The following GRIK2 variants were observed in gnomAD, a reference collection of about 807,000 sequenced individuals.
GRIK2 encodes the protein glutamate receptor ionotropic, kainate 2.
GRIK2 carries 32 observed loss-of-function variants against 100.3 expected under a neutral mutation model. That is an observed-to-expected ratio of 0.32 (90% confidence interval 0.24 to 0.43). The LOEUF is 0.43. GRIK2 is among the 20% of genes least tolerant of loss of function. The pLI is 1.00. For missense variants in GRIK2, 843 were observed against 1,114.9 expected (o/e 0.76, Z 3.47); for synonymous variants, 417 against 389.4 (o/e 1.07, Z -0.83).
At chr6:102,015,788 C>T (rs1795804621) in intron 14 of GRIK2, among the ~76,000 whole-genome samples, 1 of 152,198 alleles carries the variant, frequency 6.6e-6, no homozygotes, top group Admixed American at 6.5e-5. Context: ...TCACCGCCTC[C>T]AGCACAGCAG....
At chr6:101,853,581 C>T (rs1476573098) in intron 10 of GRIK2, among the ~76,000 whole-genome samples, 1 of 152,118 alleles carries the variant, frequency 6.6e-6, no homozygotes, top group Non-Finnish European at 1.5e-5. Context: ...CAGTCATCCA[C>T]CTTGATATTT....
At chr6:101,690,539 C>T (rs1441702131) in intron 7 of GRIK2, among the ~76,000 whole-genome samples, 1 of 152,160 alleles carries the variant, frequency 6.6e-6, no homozygotes, top group African/African-American at 2.4e-5. Context: ...CTACTCCTAA[C>T]ATCTCTCTCC....
chr6:101,464,621 A>C (rs1426897413), intron 2 of GRIK2, among the ~76,000 whole-genome samples: 1 of 135,020 alleles, frequency 7.4e-6, no homozygotes, highest in Admixed American at 8.5e-5. Flanking sequence ...GGTTCACGCC[A>C]TTCTCCCGCC....
chr6:101,568,388 A>G (rs1351687398), intron 2 of GRIK2, among the ~76,000 whole-genome samples: 1 of 152,044 alleles, frequency 6.6e-6, no homozygotes, highest in Non-Finnish European at 1.5e-5. Context: ...GTTGCAAATA[A>G]TCTGATGAGT....
chr6:101,424,903 T>A (rs1776622653), intron 2 of GRIK2, among the ~76,000 whole-genome samples: 1 of 152,188 alleles, frequency 6.6e-6, no homozygotes, highest in Non-Finnish European at 1.5e-5. Flanking sequence ...AACTCTTCAT[T>A]TTTTATGGCT....
chr6:101,619,858 C>T (rs1284082693), intron 2 of GRIK2, among the ~76,000 whole-genome samples: 1 of 152,074 alleles, frequency 6.6e-6, no homozygotes, highest in African/African-American at 2.4e-5. Context: ...GTTTTGAAGT[C>T]AGGCATGAGC....
At chr6:101,861,308 G>A (rs980959376) in intron 11 of GRIK2, among the ~76,000 whole-genome samples, 2 of 152,062 alleles carry the variant, frequency 1.3e-5, no homozygotes, top group Non-Finnish European at 2.9e-5. Flanking sequence ...TTTGTGTTGA[G>A]GGCTAAAACA....
At chr6:101,582,648 C>T (rs1778157073) in intron 2 of GRIK2, among the ~76,000 whole-genome samples, 4 of 151,912 alleles carry the variant, frequency 2.6e-5, no homozygotes, top group Admixed American at 2.0e-4. Context: ...ACAAAAAGTA[C>T]AACATAAGGA....
chr6:101,970,902 T>A (rs576249162), intron 14 of GRIK2, among the ~76,000 whole-genome samples: 5 of 150,790 alleles, frequency 3.3e-5, no homozygotes, highest in Admixed American at 2.6e-4. Flanking sequence ...CATATCCAAA[T>A]GATACAAATG....
At position 102,035,532 on chromosome 6, in the gene GRIK2, A is replaced by G. The variant is rs1770222640; in HGVS notation, c.2277A>G (p.Ile759Met). The change falls in exon 15 of 17, where the codon ATA (isoleucine) becomes ATG (methionine). Residue 759 changes from isoleucine (I) to methionine (M), a missense_variant. Around this residue, in one of 3 missense-constraint regions of GRIK2, gnomAD observed 237 missense variants for 388.0 expected, o/e 0.61. Transcript: ENST00000369134. ...NCNLTQIGGL[I>M]DSKGYGVGTP... ...ACCTGACACAGATTGGCGGCCTTAT[A>G]GACTCTAAAGGTTATGGCGTTGGCA... 3 of 1,607,994 alleles carry G rather than the reference A, an allele frequency of 1.9e-6. No homozygotes were observed. The highest frequency in any genetic ancestry group is 2.6e-6 in the Non-Finnish European group (3 of 1,175,414).
intron 14 of GRIK2, among the ~76,000 whole-genome samples, chr6:101,944,788 T>A (rs551553467): frequency 6.6e-6 from 1 of 152,050 alleles, no homozygotes; most frequent in South Asian, 2.1e-4. Context: ...TTTTAAAGAG[T>A]CAATATACAG....
At chr6:101,775,545 GTGTGAGA>G (rs1562376160) in intron 7 of GRIK2, among the ~76,000 whole-genome samples, 7 of 248 alleles carry the variant, frequency 0.028, no homozygotes, top group Non-Finnish European at 0.049. Flanking sequence ...ATATATATGT[GTGTGAGA>G]TATATATATA....
intron 7 of GRIK2, among the ~76,000 whole-genome samples, chr6:101,693,850 T>C (rs1772284565): frequency 6.6e-6 from 1 of 152,092 alleles, no homozygotes; most frequent in Admixed American, 6.6e-5. Context: ...CATATGTATA[T>C]GTATATGATC....
At chr6:102,008,808 A>G (rs1795373532) in intron 14 of GRIK2, among the ~76,000 whole-genome samples, 1 of 152,126 alleles carries the variant, frequency 6.6e-6, no homozygotes, top group Non-Finnish European at 1.5e-5. Flanking sequence ...CTATACAGCC[A>G]TTTATAACCA....
chr6:101,401,824 G>A (rs961547754), intron 2 of GRIK2, among the ~76,000 whole-genome samples: 3 of 152,186 alleles, frequency 2.0e-5, no homozygotes, highest in African/African-American at 7.2e-5. Context: ...TGCCTTGGAA[G>A]GGAAGAGCTT....
chr6:102,018,473 A>G (rs1769241733), intron 14 of GRIK2, among the ~76,000 whole-genome samples: 1 of 152,132 alleles, frequency 6.6e-6, no homozygotes, highest in South Asian at 2.1e-4. Context: ...GTATTTCAAA[A>G]TAGGTCCTGC....
chr6:102,020,878 T>C (rs1260068909), intron 14 of GRIK2, among the ~76,000 whole-genome samples: 2 of 151,774 alleles, frequency 1.3e-5, no homozygotes, highest in Non-Finnish European at 2.9e-5. Context: ...GAAGGCAATT[T>C]CAAAAGAGGA....
chr6:101,630,114 A>G (rs1780656022), intron 4 of GRIK2, among the ~76,000 whole-genome samples: 1 of 152,058 alleles, frequency 6.6e-6, no homozygotes, highest in Non-Finnish European at 1.5e-5. Flanking sequence ...TCAATCCACA[A>G]TTGATGGGCA....
intron 2 of GRIK2, among the ~76,000 whole-genome samples, chr6:101,602,525 C>T (rs1779265965): frequency 6.7e-6 from 1 of 150,334 alleles, no homozygotes; most frequent in African/African-American, 2.4e-5. Flanking sequence ...TTGAATTATA[C>T]TGATTATCAG....
Sources: gnomAD v4.1 joint callset for allele counts (sites outside exome capture counted in the v4.1 genomes callset) on GRCh38, gnomAD v4.1.1 for gene constraint, gnomAD v4.1.1 regional missense constraint, MANE v1.5 for transcripts, NCBI Gene and HGNC (gene_info 2026-07-23, HGNC 2026-07-21) for gene names.